MBNL3: variants seen among roughly 807,000 people sequenced by gnomAD.
MBNL3 encodes the protein muscleblind like splicing regulator 3, also known as muscleblind-like protein 3.
MBNL3 carries 6 observed loss-of-function variants against 24.5 expected under a neutral mutation model. The observed-to-expected ratio is 0.25, with a 90% CI of 0.13 to 0.48. MBNL3 has a LOEUF of 0.48. MBNL3 is among the 20% of genes least tolerant of loss of function. The pLI is 0.99. For missense variants in MBNL3, 230 were observed against 293.5 expected, an observed-to-expected ratio of 0.78 and a Z score of 1.58; for synonymous variants, 100 against 101.7, an observed-to-expected ratio of 0.98 and a Z score of 0.10.
At chrX:132,438,303 C>A (rs1299098983) in intron 2 of MBNL3, among the ~76,000 whole-genome samples, 1 of 111,698 alleles carries the variant, frequency 9.0e-6, no homozygotes, top group African/African-American at 3.2e-5. Flanking sequence ...TTCTAAAATC[C>A]AAAAAATCGA....
In MBNL3 at chrX:132,484,970, GCCT is replaced by G. The variant is rs756175688; in HGVS notation, c.-704+3878_-704+3880del. ...ACACACACACACACATTTAAATCAA[GCCT>G]CCTTTTATTCTTGCTTCCTCTTGAG... On this transcript the variant is annotated intron_variant, in intron 1 of 8. Coordinates refer to ENST00000370853, the MANE Select transcript of MBNL3 (RefSeq NM_001386889.1). 1.0e-4 allele frequency among the ~76,000 whole-genome samples: 11 copies of G among 109,267 alleles called. No individual in the cohort carries two copies. The East Asian group carries it at 1.4e-3, about 14-fold the overall frequency. 94.9% of individuals were successfully genotyped at this position (109,267 alleles called of 115,157 possible).
chrX:132,487,590 G>A (rs1468043310), intron 1 of MBNL3, among the ~76,000 whole-genome samples: 1 of 112,571 alleles, frequency 8.9e-6, no homozygotes, highest in African/African-American at 3.2e-5. Context: ...ACTGCTTTGG[G>A]AGAAGGAGTG....
chrX:132,382,750 C>T (rs1721805880), intron 7 of MBNL3, among the ~76,000 whole-genome samples: 1 of 112,075 alleles, frequency 8.9e-6, no homozygotes, highest in African/African-American at 3.2e-5. Flanking sequence ...AATGCCGTCA[C>T]TAGATTTGCA....
rs758425907 is a variant in MBNL3, at chrX:132,379,658, T to TCTG, written c.*5_*7dup. 2 of 1,195,455 alleles carry TCTG rather than the reference T, an allele frequency of 1.7e-6. No individual in the cohort carries two copies. The highest frequency in any genetic ancestry group is 4.4e-5 in the Admixed American group (2 of 45,267). ...TGGAAAGATTCTGATACTCCATAACTCTGCTGTTCAGAATTTCAGCTGAAA... is the reference window on the plus strand; with the variant it reads ...TGGAAAGATTCTGATACTCCATAACTCTGCTGCTGTTCAGAATTTCAGCTGAAA... On this transcript the variant is annotated 3_prime_UTR_variant, in exon 9 of 9. Transcript: ENST00000370853.
chrX:132,480,940 C>T (rs1300195021), intron 1 of MBNL3, among the ~76,000 whole-genome samples: 1 of 111,565 alleles, frequency 9.0e-6, no homozygotes, highest in Non-Finnish European at 1.9e-5. Context: ...AAATTAAACT[C>T]AAACCACATG....
At chrX:132,396,501 TATATATATTC>T (rs1467442463) in intron 3 of MBNL3, among the ~76,000 whole-genome samples, 14 of 68,667 alleles carry the variant, frequency 2.0e-4, no homozygotes, top group South Asian at 7.1e-4. Context: ...TATATATTCC[TATATATATTC>T]ATATATATTC....
At chrX:132,410,184 AG>A (rs1410692083) in intron 2 of MBNL3, among the ~76,000 whole-genome samples, 3 of 112,235 alleles carry the variant, frequency 2.7e-5, no homozygotes, top group Non-Finnish European at 5.6e-5. Flanking sequence ...TCCTACCTTC[AG>A]GCTTCTCCCA....
At chrX:132,423,045 A>C (rs1943969589) in intron 2 of MBNL3, among the ~76,000 whole-genome samples, 1 of 111,900 alleles carries the variant, frequency 8.9e-6, no homozygotes, top group Non-Finnish European at 1.9e-5. Context: ...AGTTTCCAAA[A>C]GGTCATACTA....
In MBNL3 at chrX:132,371,348, CAG is replaced by C. The variant is rs1933596020; in HGVS notation, c.*8316_*8317del. On this transcript the variant is annotated 3_prime_UTR_variant, in exon 9 of 9. Transcript: ENST00000370853. The stretch of plus-strand genomic sequence containing the variant: ...CCCAACTCCAGAACAGTGGTCAATG[CAG>C]AGAAGTTCCAGATTCGCATTTTTGA... The C allele has an allele frequency of 8.9e-6, 1 of 112,109 alleles. No individual in the cohort carries two copies. Among genetic ancestry groups the C allele is most frequent in the Admixed American group, 9.5e-5 (1 of 10,570 alleles). The allele number at this position is 112,109 out of a possible 1,213,427, so 9.2% of individuals were successfully genotyped here.
intron 2 of MBNL3, among the ~76,000 whole-genome samples, chrX:132,410,896 C>T (rs1479491619): frequency 8.9e-6 from 1 of 112,084 alleles, no homozygotes; most frequent in Non-Finnish European, 1.9e-5. Flanking sequence ...GCAAATTTCC[C>T]ACTTTCTTCC....
intron 2 of MBNL3, among the ~76,000 whole-genome samples, chrX:132,433,990 A>G (rs1204768172): frequency 8.9e-6 from 1 of 112,601 alleles, no homozygotes; most frequent in Non-Finnish European, 1.9e-5. Flanking sequence ...TATCTAAAAC[A>G]GTAGCCCCTG....
intron 5 of MBNL3, among the ~76,000 whole-genome samples, chrX:132,388,769 C>T (rs1461692409): frequency 9.0e-6 from 1 of 110,621 alleles, no homozygotes; most frequent in Non-Finnish European, 1.9e-5. Context: ...AAGCTGCTTT[C>T]TGTGAACTCA....
intron 8 of MBNL3, 43 bp from the exon 9 acceptor site, chrX:132,379,720 T>C (rs774715150): frequency 9.0e-5 from 96 of 1,066,284 alleles, no homozygotes; most frequent in Non-Finnish European, 1.2e-4. Context: ...GTGAGAAATA[T>C]TGAAAGGTTA....
chrX:132,436,745 G>A (rs1030355915), intron 2 of MBNL3, among the ~76,000 whole-genome samples: 42 of 112,101 alleles, frequency 3.7e-4, no homozygotes, highest in African/African-American at 1.2e-3. Flanking sequence ...GCATGTCATG[G>A]ATAAGAACTA....
chrX:132,479,972 C>A (rs964863221), intron 1 of MBNL3, among the ~76,000 whole-genome samples: 1 of 111,526 alleles, frequency 9.0e-6, no homozygotes, highest in African/African-American at 3.3e-5. Flanking sequence ...CTTTTATAAA[C>A]ATTTAACTTT....
chrX:132,414,428 A>G (rs1430902130), intron 2 of MBNL3, among the ~76,000 whole-genome samples: 1 of 112,229 alleles, frequency 8.9e-6, no homozygotes, highest in East Asian at 2.8e-4. Flanking sequence ...CTTAGAGATC[A>G]TTTAGTCCAG....
intron 1 of MBNL3, among the ~76,000 whole-genome samples, chrX:132,475,583 C>T (rs748229635): frequency 6.5e-4 from 73 of 111,858 alleles, no homozygotes; most frequent in Non-Finnish European, 1.1e-3. Context: ...ATGAAAGTAC[C>T]TAGCAGAGCA....
At chrX:132,412,243 G>A (rs1321149496) in intron 2 of MBNL3, among the ~76,000 whole-genome samples, 1 of 111,182 alleles carries the variant, frequency 9.0e-6, no homozygotes, top group Non-Finnish European at 1.9e-5. Flanking sequence ...GGCCACAAAG[G>A]CCCTCAGGAT....
chrX:132,458,106 T>C (rs1207554470), intron 1 of MBNL3, among the ~76,000 whole-genome samples: 1 of 111,230 alleles, frequency 9.0e-6, no homozygotes, highest in Non-Finnish European at 1.9e-5. Flanking sequence ...TATCCATAAT[T>C]AACCTTCTAT....
Sources: gnomAD v4.1 joint callset for allele counts (sites outside exome capture counted in the v4.1 genomes callset) on GRCh38, gnomAD v4.1.1 for gene constraint, MANE v1.5 for transcripts, NCBI Gene and HGNC (gene_info 2026-07-23, HGNC 2026-07-21) for gene names.